The following ARMH1 variants were observed in gnomAD, a reference collection of about 807,000 sequenced individuals.
ARMH1 encodes the protein armadillo-like helical domain containing protein 1.
In ARMH1, 34 loss-of-function variants were observed where a neutral mutation model predicts 50.2. The observed-to-expected ratio is 0.68, with a 90% CI of 0.51 to 0.90. The LOEUF (loss-of-function observed/expected upper bound fraction) is 0.90. ARMH1 is among the 40% of genes least tolerant of loss of function. The pLI, the probability that ARMH1 is intolerant of heterozygous loss-of-function variation, is 0.00. For missense variants in ARMH1, 538 were observed against 553.9 expected (o/e 0.97, Z 0.29); for synonymous variants, 221 against 224.2 (o/e 0.99, Z 0.13).
chr1:44,684,048 G>A (rs1370336034), intron 1 of ARMH1, among the ~76,000 whole-genome samples: 2 of 152,056 alleles, frequency 1.3e-5, no homozygotes, highest in East Asian at 3.8e-4. Context: ...CGTATGGTGT[G>A]TGGATAGCTC....
At chr1:44,687,667 C>T (rs1428748629) in intron 1 of ARMH1, among the ~76,000 whole-genome samples, 1 of 152,170 alleles carries the variant, frequency 6.6e-6, no homozygotes, top group Admixed American at 6.5e-5. Flanking sequence ...AGGAACTCCT[C>T]CAGCGCCCTG....
intron 1 of ARMH1, among the ~76,000 whole-genome samples, chr1:44,688,845 A>AC (rs1440585360): frequency 1.1e-4 from 17 of 152,154 alleles, no homozygotes; most frequent in Non-Finnish European, 2.2e-4. Flanking sequence ...CAGCCCATTA[A>AC]TCCAACTATG....
In ARMH1 at chr1:44,724,236, T is replaced by C; in HGVS notation, c.839T>C (p.Ile280Thr). ...GAGATCTCCAAACTGCAGGCCAAGA[T>C]CCTCAGTGGTAAGGACCTGCTCAAA... Reference protein sequence around the residue: ...VKEISKLQAKILSDPSVLQLT... With the variant: ...VKEISKLQAKTLSDPSVLQLT... Residue 280 changes from isoleucine (I) to threonine (T), a missense_variant, in exon 7 of 12, where the codon ATC becomes ACC. By Grantham distance (89) the Ile-to-Thr change is moderately conservative. Transcript: ENST00000535358. The surrounding 1 kb of genome is among the most constrained non-coding windows in gnomAD (Gnocchi z 6.4). 6.4e-7 allele frequency: 1 copy of C among 1,551,614 alleles called. No individual in the cohort carries two copies. Among genetic ancestry groups the C allele is most frequent in the South Asian group, 1.2e-5 (1 of 84,042 alleles).
intron 5 of ARMH1, among the ~76,000 whole-genome samples, 171 bp from the exon 6 acceptor site, chr1:44,703,918 G>A (rs948178080): frequency 6.6e-6 from 1 of 151,512 alleles, no homozygotes; most frequent in South Asian, 2.1e-4. Context: ...AGTAGAGACA[G>A]TGTTTCACTT....
intron 1 of ARMH1, among the ~76,000 whole-genome samples, chr1:44,685,701 C>T (rs1645447846): frequency 6.6e-6 from 1 of 151,440 alleles, no homozygotes; most frequent in African/African-American, 2.4e-5. Context: ...AATCTCGGCT[C>T]ACTGCAACCT....
intron 1 of ARMH1, among the ~76,000 whole-genome samples, chr1:44,688,723 T>G (rs1016872251): frequency 6.6e-6 from 1 of 152,214 alleles, no homozygotes; most frequent in Non-Finnish European, 1.5e-5. Flanking sequence ...CTAACATTTG[T>G]TATGGATAAT....
intron 6 of ARMH1, among the ~76,000 whole-genome samples, chr1:44,714,454 G>A (rs569207793): frequency 3.3e-5 from 5 of 151,908 alleles, no homozygotes; most frequent in Non-Finnish European, 7.4e-5. Flanking sequence ...GCGTGGTGGT[G>A]CATGCCTGTA....
At chr1:44,714,746 C>T (rs1353871844) in intron 6 of ARMH1, among the ~76,000 whole-genome samples, 1 of 152,144 alleles carries the variant, frequency 6.6e-6, no homozygotes, top group Non-Finnish European at 1.5e-5. Context: ...CGGCTCACTG[C>T]AGCCTCAACC....
intron 6 of ARMH1, chr1:44,723,841 C>T (rs1441439004): frequency 8.0e-6 from 3 of 374,228 alleles, no homozygotes; most frequent in African/African-American, 6.3e-5. Context: ...TGGATTCCTC[C>T]AAGGCGAAGG....
chr1:44,703,693 A>T (rs1375521204), intron 5 of ARMH1, among the ~76,000 whole-genome samples: 3 of 139,228 alleles, frequency 2.2e-5, no homozygotes, highest in Non-Finnish European at 4.6e-5. Context: ...GCGCCACTGC[A>T]CTCCAGCCTG....
At chr1:44,717,863 A>G (rs1646917814) in intron 6 of ARMH1, among the ~76,000 whole-genome samples, 1 of 152,218 alleles carries the variant, frequency 6.6e-6, no homozygotes, top group South Asian at 2.1e-4. Context: ...AGCACGATAT[A>G]TAAAGAGTTG....
chr1:44,705,070 C>CGAG (rs2148684502), intron 6 of ARMH1, among the ~76,000 whole-genome samples: 1 of 148,266 alleles, frequency 6.7e-6, no homozygotes, highest in Admixed American at 6.7e-5. Context: ...CTCCTGACCT[C>CGAG]GTGATCCACC....
At position 44,714,265 on chromosome 1, in the gene ARMH1, G is replaced by A. The variant is rs551227347; in HGVS notation, c.725-9857G>A. Among the ~76,000 whole-genome samples the A allele has an allele frequency of 6.3e-5, 9 of 142,314 alleles. No individual in the cohort carries two copies. In the East Asian group the frequency reaches 1.1e-3, roughly 17 times the overall value. 93.4% of individuals were successfully genotyped at this position (142,314 alleles called of 152,430 possible). ...AGCCTGGGTGACAGAGCGAGACTCC[G>A]TCTCAAAAAAAAGAAAAAAAAAAAA... On this transcript the variant is annotated intron_variant, in intron 6 of 11. Transcript: ENST00000535358.
At chr1:44,721,937 T>G (rs1647296912) in intron 6 of ARMH1, 1 of 152,242 alleles carries the variant, frequency 6.6e-6, no homozygotes, top group African/African-American at 2.4e-5. Context: ...TCCCAGCTAT[T>G]GACTGGTCTC....
At chr1:44,721,372 T>C (rs1647112270) in intron 6 of ARMH1, among the ~76,000 whole-genome samples, 1 of 152,226 alleles carries the variant, frequency 6.6e-6, no homozygotes, top group African/African-American at 2.4e-5. Flanking sequence ...CACTTAATTT[T>C]TCAAATATGA....
At chr1:44,677,719 G>A (rs970198128) in intron 1 of ARMH1, among the ~76,000 whole-genome samples, 4 of 152,180 alleles carry the variant, frequency 2.6e-5, no homozygotes, top group African/African-American at 9.7e-5. Flanking sequence ...TTGAGGGGAG[G>A]GAAGGGAAGA....
intron 6 of ARMH1, among the ~76,000 whole-genome samples, chr1:44,706,654 T>G (rs1189874163): frequency 6.6e-6 from 1 of 152,168 alleles, no homozygotes; most frequent in East Asian, 1.9e-4. Context: ...CGGTTTTGTA[T>G]TTTTTGACCC....
At chr1:44,697,322 C>G (rs1347885361) in intron 3 of ARMH1, among the ~76,000 whole-genome samples, 152 bp downstream of exon 3, 1 of 152,000 alleles carries the variant, frequency 6.6e-6, no homozygotes, top group African/African-American at 2.4e-5. Flanking sequence ...GTCCACCGGG[C>G]TCCTGCTCTA....
intron 1 of ARMH1, among the ~76,000 whole-genome samples, chr1:44,678,891 C>T (rs1645220123): frequency 6.6e-6 from 1 of 152,162 alleles, no homozygotes; most frequent in Non-Finnish European, 1.5e-5. Context: ...TGCCAAGGAC[C>T]TTTGGCTTAG....
Sources: allele counts gnomAD v4.1 joint callset (sites outside exome capture counted in the v4.1 genomes callset), GRCh38; gene constraint gnomAD v4.1.1; non-coding constraint Gnocchi (gnomAD v3.1); transcripts MANE v1.5; gene names NCBI Gene and HGNC (gene_info 2026-07-23, HGNC 2026-07-21).